The following ACKR2 variants were observed in gnomAD, a reference collection of about 807,000 sequenced individuals.
ACKR2 encodes C-C chemokine receptor D6.
For synonymous variants in ACKR2, 207 were observed against 192.2 expected (o/e 1.08, Z -0.64); for missense variants, 457 against 477.3 (o/e 0.96, Z 0.40).
intron 2 of ACKR2, among the ~76,000 whole-genome samples, chr3:42,834,024 G>A (rs1330141520): frequency 2.0e-5 from 3 of 152,106 alleles, no homozygotes; most frequent in Admixed American, 6.6e-5. Flanking sequence ...GTGCAGTGGT[G>A]CGATCTTGGC....
chr3:42,811,267 T>C (rs1700691528), intron 1 of ACKR2, among the ~76,000 whole-genome samples: 1 of 152,232 alleles, frequency 6.6e-6, no homozygotes, highest in Non-Finnish European at 1.5e-5. Flanking sequence ...TTTTGATCTG[T>C]ACTAAGAAAA....
chr3:42,811,540 C>G (rs1167333634), intron 1 of ACKR2, among the ~76,000 whole-genome samples: 1 of 152,254 alleles, frequency 6.6e-6, no homozygotes. Flanking sequence ...TTTCCCCCAA[C>G]TGACACAGCC....
At chr3:42,841,174 TTATAG>T (rs1442673523) in intron 2 of ACKR2, among the ~76,000 whole-genome samples, 7 of 152,240 alleles carry the variant, frequency 4.6e-5, no homozygotes, top group Admixed American at 1.3e-4. Context: ...TTTAAAAAAA[TTATAG>T]TATAGCGTGT....
chr3:42,836,073 G>A (rs1700985410), intron 2 of ACKR2: 1 of 152,074 alleles, frequency 6.6e-6, no homozygotes, highest in Non-Finnish European at 1.5e-5. Context: ...ACTACAGTCA[G>A]AAGAACTGCT....
At chr3:42,844,973 G>A (rs373973259) in intron 2 of ACKR2, among the ~76,000 whole-genome samples, 1 of 152,110 alleles carries the variant, frequency 6.6e-6, no homozygotes, top group African/African-American at 2.4e-5. Context: ...CACACTCAGG[G>A]TAGTCCACTA....
At chr3:42,828,074 T>TTATA (rs199846772) in intron 2 of ACKR2, among the ~76,000 whole-genome samples, 1,839 of 122,384 alleles carry the variant, frequency 0.015, 27 homozygotes, top group African/African-American at 0.024. Context: ...GATGCTTGCA[T>TTATA]TATATATATA....
chr3:42,849,462 C>A (rs1331968034), intron 2 of ACKR2, among the ~76,000 whole-genome samples: 3 of 151,968 alleles, frequency 2.0e-5, no homozygotes, highest in African/African-American at 7.3e-5. Context: ...CGAGCTCACA[C>A]CATTGCACTC....
chr3:42,836,344 G>A (rs577457312), intron 2 of ACKR2, among the ~76,000 whole-genome samples: 13 of 152,238 alleles, frequency 8.5e-5, no homozygotes, highest in Admixed American at 7.2e-4. Flanking sequence ...CAGATCCTGG[G>A]ACTCAGGCCA....
chr3:42,824,521 C>T (rs1403441765), intron 2 of ACKR2, among the ~76,000 whole-genome samples: 2 of 152,206 alleles, frequency 1.3e-5, no homozygotes, highest in African/African-American at 4.8e-5. Flanking sequence ...TCCACACCTT[C>T]CCCCTGCCCC....
chr3:42,849,139 A>G (rs538306337), intron 2 of ACKR2, among the ~76,000 whole-genome samples: 4 of 152,012 alleles, frequency 2.6e-5, no homozygotes, highest in Admixed American at 1.3e-4. Context: ...ACTCAATAGT[A>G]TCATGTCAAT....
At chr3:42,810,162 T>G (rs968066933) in intron 1 of ACKR2, among the ~76,000 whole-genome samples, 2 of 152,212 alleles carry the variant, frequency 1.3e-5, no homozygotes, top group Admixed American at 6.5e-5. Context: ...AAAAATAACA[T>G]TTTATTGGAA....
In ACKR2 at chr3:42,865,345, C is replaced by T. The variant is rs561300072; in HGVS notation, c.843C>T (p.Phe281=). Reference sequence around the variant, plus strand: ...ATACGCTGTTGGACCTGCAAGTATTCGGGAACTGTGAGGTCAGCCAGCATC... The same window carrying T: ...ATACGCTGTTGGACCTGCAAGTATTTGGGAACTGTGAGGTCAGCCAGCATC... ...FLHTLLDLQV[F]GNCEVSQHLD... The change falls in exon 3 of 3, where the codon TTC becomes TTT. Residue 281 remains phenylalanine, a synonymous_variant. Transcript: ENST00000422265. 18 of 1,614,178 alleles carry T rather than the reference C, an allele frequency of 1.1e-5. No individual in the cohort carries two copies. Among genetic ancestry groups the T allele is most frequent in the South Asian group, 7.7e-5 (7 of 91,080 alleles).
chr3:42,851,367 T>G, intron 2 of ACKR2: 1 of 985,464 alleles, frequency 1.0e-6, no homozygotes, highest in Non-Finnish European at 1.2e-6. Flanking sequence ...ACACTCTGTC[T>G]GCACTTCCCT....
intron 2 of ACKR2, among the ~76,000 whole-genome samples, chr3:42,843,214 G>A (rs1701058602): frequency 6.6e-6 from 1 of 151,560 alleles, no homozygotes; most frequent in African/African-American, 2.4e-5. Flanking sequence ...GGGATTACAG[G>A]TGCCCACCAC....
chr3:42,865,703 T>C lies in ACKR2; in HGVS notation c.*46T>C, dbSNP rs2088429940. ...TGGGAACAGATGGGAACCAGCTCAATTGGGTGTCCACTCAAAGTGCTCTCT... is the reference window on the plus strand; with the variant it reads ...TGGGAACAGATGGGAACCAGCTCAACTGGGTGTCCACTCAAAGTGCTCTCT... On this transcript the variant is annotated 3_prime_UTR_variant, in exon 3 of 3. Transcript: ENST00000422265. The C allele has an allele frequency of 8.0e-6, 12 of 1,491,600 alleles. No homozygotes were observed. Among genetic ancestry groups the C allele is most frequent in the Non-Finnish European group, 1.0e-5 (11 of 1,094,862 alleles). 92.4% of individuals were successfully genotyped at this position (1,491,600 alleles called of 1,614,324 possible). A position where few individuals can be genotyped will look rare whatever the true frequency, so the allele number is the denominator to read the frequency against.
chr3:42,855,628 C>G (rs939935674), intron 2 of ACKR2, among the ~76,000 whole-genome samples: 7 of 152,050 alleles, frequency 4.6e-5, no homozygotes, highest in Non-Finnish European at 1.0e-4. Context: ...GAAAGATTCC[C>G]AGAGTGAGAG....
chr3:42,825,593 G>T (rs1391385031), intron 2 of ACKR2, among the ~76,000 whole-genome samples: 1 of 151,296 alleles, frequency 6.6e-6, no homozygotes, highest in African/African-American at 2.4e-5. Flanking sequence ...GTGTGTGTGT[G>T]TGTGTGTGCG....
At chr3:42,819,014 G>T (rs551336516) in intron 1 of ACKR2, among the ~76,000 whole-genome samples, 7 of 152,016 alleles carry the variant, frequency 4.6e-5, no homozygotes, top group East Asian at 3.9e-4. Flanking sequence ...TGGGGGGCAG[G>T]TGGGATGGTG....
intron 2 of ACKR2, chr3:42,835,377 G>A (rs995201838): frequency 2.0e-5 from 3 of 151,820 alleles, no homozygotes; most frequent in African/African-American, 7.3e-5. Context: ...CCAGTTAACA[G>A]AGCTTTAGAG....
Sources: allele counts gnomAD v4.1 joint callset (sites outside exome capture counted in the v4.1 genomes callset), GRCh38; gene constraint gnomAD v4.1.1; transcripts MANE v1.5; gene names NCBI Gene and HGNC (gene_info 2026-07-23, HGNC 2026-07-21).